NUP98: variants seen among roughly 807,000 people sequenced by gnomAD.
NUP98 encodes nuclear pore complex protein Nup98-Nup96.
Under a neutral mutation model 191.9 loss-of-function variants are expected in NUP98, and 26 were observed. The observed-to-expected ratio is 0.14, with a 90% CI of 0.10 to 0.19. NUP98 has a LOEUF of 0.19. Ranked by LOEUF, NUP98 falls within the 10% of genes least tolerant of loss-of-function variation. The pLI is 1.00. For missense variants in NUP98, 1,941 were observed against 2,178.8 expected (o/e 0.89, Z 2.17); for synonymous variants, 808 against 778.4 (o/e 1.04, Z -0.63).
intron 1 of NUP98, among the ~76,000 whole-genome samples, chr11:3,793,404 TCA>T (rs1293789918): frequency 1.3e-5 from 2 of 151,600 alleles, no homozygotes. Context: ...ATTCTCTGCC[TCA>T]GCCTCCCAGT....
intron 9 of NUP98, among the ~76,000 whole-genome samples, chr11:3,761,662 G>A (rs2081173134): frequency 6.6e-6 from 1 of 152,216 alleles, no homozygotes; most frequent in African/African-American, 2.4e-5. Context: ...GGGAGGCTGA[G>A]GCAGAGAACT....
At chr11:3,791,120 C>T (rs900552178) in intron 1 of NUP98, among the ~76,000 whole-genome samples, 4 of 152,008 alleles carry the variant, frequency 2.6e-5, no homozygotes, top group Non-Finnish European at 5.9e-5. Flanking sequence ...TGGTCTCGAT[C>T]TCCTGACCTT....
intron 23 of NUP98, 118 bp downstream of exon 23, chr11:3,702,332 CTCTCTCTCTCTCT>C: frequency 8.7e-6 from 1 of 115,576 alleles, no homozygotes; most frequent in Non-Finnish European, 1.6e-5. Context: ...CTCTCTCTCT[CTCTCTCTCTCTCT>C]CTCTCTCTCT....
chr11:3,697,511 T>G (rs1044870609), intron 25 of NUP98, among the ~76,000 whole-genome samples: 6 of 151,966 alleles, frequency 3.9e-5, no homozygotes, highest in African/African-American at 1.5e-4. Context: ...CATCCTGTAT[T>G]CTTATCAAGA....
chr11:3,763,347 AAAT>A (rs1296121140), intron 8 of NUP98, among the ~76,000 whole-genome samples: 2 of 152,196 alleles, frequency 1.3e-5, no homozygotes, highest in East Asian at 1.9e-4. Context: ...GGCGTCTATT[AAAT>A]AATAAGACTT....
In NUP98 at chr11:3,784,037, C is replaced by T. The variant is rs548653241; in HGVS notation, c.-28-1892G>A. On this transcript the variant is annotated intron_variant, in intron 1 of 32. Coordinates refer to ENST00000324932, the MANE Select transcript of NUP98 (RefSeq NM_016320.5). ...AAGTAAACTACTTTCAGCATAAAAA[C>T]TCTGAAAACAGTCAATCATGCTCAT... 4.6e-5 allele frequency among the ~76,000 whole-genome samples: 7 copies of T among 152,306 alleles called. No homozygotes were observed. In the South Asian group the frequency reaches 1.4e-3, roughly 32 times the overall value.
chr11:3,690,153 T>C (rs888916128), intron 28 of NUP98, among the ~76,000 whole-genome samples: 6 of 151,738 alleles, frequency 4.0e-5, no homozygotes, highest in Admixed American at 3.9e-4. Flanking sequence ...GGTTTCACCA[T>C]GTTGGCCAGG....
intron 27 of NUP98, among the ~76,000 whole-genome samples, chr11:3,692,114 T>C (rs887175162): frequency 8.5e-5 from 13 of 152,118 alleles, no homozygotes; most frequent in African/African-American, 3.1e-4. Context: ...CCTCGAACCT[T>C]GTGAAGATAT....
intron 28 of NUP98, among the ~76,000 whole-genome samples, chr11:3,691,059 A>G (rs1218172842): frequency 6.6e-6 from 1 of 152,216 alleles, no homozygotes; most frequent in Non-Finnish European, 1.5e-5. Flanking sequence ...GGTAGTGGAA[A>G]TATCAGCTTA....
chr11:3,686,210 T>C lies in NUP98; in HGVS notation c.4455-16A>G, dbSNP rs2078128448. 1 of 1,612,728 alleles carries C rather than the reference T, an allele frequency of 6.2e-7. No individual in the cohort carries two copies. The highest frequency in any genetic ancestry group is 1.3e-5 in the African/African-American group (1 of 75,050). On this transcript the variant is annotated splice_polypyrimidine_tract_variant and intron_variant, in intron 28 of 32. Transcript: ENST00000324932. ...ATCATAATGTCTGCAAAGAACGTGTTGAGAGTCAACATACACAGCCAGGAG... is the reference window on the plus strand; with the variant it reads ...ATCATAATGTCTGCAAAGAACGTGTCGAGAGTCAACATACACAGCCAGGAG...
Position 3,772,630 on chromosome 11 carries a change from C to T in NUP98, c.604-702G>A, listed in dbSNP as rs555638972. 3.4e-4 allele frequency among the ~76,000 whole-genome samples: 52 copies of T among 152,108 alleles called. No homozygotes were observed. In the South Asian group the frequency reaches 0.01, roughly 30 times the overall value. ...CAGGGTTCAAGAACAGCCCGGCCAA[C>T]GTAGCAAAATCCCATCTCTACTAAA... On this transcript the variant is annotated intron_variant, in intron 6 of 32. Coordinates refer to ENST00000324932, the MANE Select transcript of NUP98 (RefSeq NM_016320.5).
At chr11:3,696,298 T>TCA (rs2078502633) in intron 25 of NUP98, among the ~76,000 whole-genome samples, 1 of 152,112 alleles carries the variant, frequency 6.6e-6, no homozygotes, top group Non-Finnish European at 1.5e-5. Flanking sequence ...GGTCAGGAGT[T>TCA]CGAGACCAAC....
At chr11:3,742,147 C>G (rs1370435335) in intron 12 of NUP98, among the ~76,000 whole-genome samples, 1 of 152,038 alleles carries the variant, frequency 6.6e-6, no homozygotes, top group Non-Finnish European at 1.5e-5. Flanking sequence ...AATGAAGTAA[C>G]TGGGGTAAAT....
At chr11:3,742,175 T>C (rs2080307437) in intron 12 of NUP98, among the ~76,000 whole-genome samples, 1 of 152,136 alleles carries the variant, frequency 6.6e-6, no homozygotes, top group South Asian at 2.1e-4. Flanking sequence ...TCTGATACCA[T>C]CCTTCAGAAT....
chr11:3,723,740 T>C (rs1271698436), intron 15 of NUP98, among the ~76,000 whole-genome samples: 1 of 150,880 alleles, frequency 6.6e-6, no homozygotes, highest in Non-Finnish European at 1.5e-5. Flanking sequence ...AAAAAATGCT[T>C]TATAAATAAT....
chr11:3,742,204 A>C (rs1205324092), intron 12 of NUP98, among the ~76,000 whole-genome samples: 1 of 152,160 alleles, frequency 6.6e-6, no homozygotes, highest in Non-Finnish European at 1.5e-5. Flanking sequence ...GTTCTATGGA[A>C]GTCAGTAAGC....
chr11:3,717,497 A>T (rs1435159025), intron 18 of NUP98, among the ~76,000 whole-genome samples: 2 of 152,200 alleles, frequency 1.3e-5, no homozygotes, highest in Admixed American at 6.5e-5. Context: ...TTGTTAGTGT[A>T]TAGCAGTGCA....
chr11:3,702,280 G>GACACAC (rs537147629), intron 23 of NUP98, among the ~76,000 whole-genome samples, 183 bp downstream of exon 23: 35 of 108,560 alleles, frequency 3.2e-4, no homozygotes, highest in Middle Eastern at 4.8e-3. Flanking sequence ...GCAAAACTGA[G>GACACAC]ACACACACAC....
intron 18 of NUP98, among the ~76,000 whole-genome samples, chr11:3,716,364 T>C (rs570666433): frequency 6.6e-6 from 1 of 152,188 alleles, no homozygotes; most frequent in African/African-American, 2.4e-5. Flanking sequence ...GTTTTTTTTA[T>C]GTGTGCTCCA....
Sources: gnomAD v4.1 joint callset for allele counts (sites outside exome capture counted in the v4.1 genomes callset) on GRCh38, gnomAD v4.1.1 for gene constraint, MANE v1.5 for transcripts, NCBI Gene and HGNC (gene_info 2026-07-23, HGNC 2026-07-21) for gene names.